Variants in AKAP12 observed in about 807,000 individuals in gnomAD.
The protein encoded by AKAP12 is A-kinase anchor protein 12.
A neutral mutation model predicts 79.9 loss-of-function variants in AKAP12; 32 were observed. The observed-to-expected ratio is 0.40, with a 90% CI of 0.30 to 0.54. AKAP12 has a LOEUF of 0.54. Among genes scored for constraint, AKAP12 ranks in the 20% least tolerant of loss-of-function variants. AKAP12 has a pLI of 0.48. For missense variants in AKAP12, 2,074 were observed against 2,177.0 expected, an observed-to-expected ratio of 0.95 and a Z score of 0.94; for synonymous variants, 808 against 857.0, an observed-to-expected ratio of 0.94 and a Z score of 1.00.
chr6:151,242,449 A>G (rs1213546190), intron 2 of AKAP12, among the ~76,000 whole-genome samples: 1 of 152,244 alleles, frequency 6.6e-6, no homozygotes, highest in Non-Finnish European at 1.5e-5. Flanking sequence ...GACATCCAGA[A>G]TATCATTGAA....
chr6:151,357,017 T>C lies in AKAP12; in HGVS notation c.*1303T>C, dbSNP rs1778458346. 6.6e-6 allele frequency: 1 copy of C among 152,210 alleles called. No individual in the cohort carries two copies. Among genetic ancestry groups the C allele is most frequent in the South Asian group, 2.1e-4 (1 of 4,836 alleles). 9.4% of individuals were successfully genotyped at this position (152,210 alleles called of 1,614,324 possible). On this transcript the variant is annotated 3_prime_UTR_variant, in exon 5 of 5. Transcript: ENST00000402676. The stretch of plus-strand genomic sequence containing the variant: ...ATCTGGTAATTCCTGAAAATGTCAA[T>C]TTTTTTGTGTTAATATTTTTGGTTT...
At chr6:151,343,706 C>T (rs1201853626) in intron 3 of AKAP12, among the ~76,000 whole-genome samples, 3 of 152,140 alleles carry the variant, frequency 2.0e-5, no homozygotes, top group South Asian at 2.1e-4. Flanking sequence ...ATCGCTTGAA[C>T]CCAGGAGGCG....
intron 2 of AKAP12, among the ~76,000 whole-genome samples, chr6:151,288,176 C>T (rs1418394191): frequency 3.3e-5 from 5 of 150,634 alleles, no homozygotes; most frequent in East Asian, 3.9e-4. Context: ...AACAAACCTG[C>T]GTGTTCTGGA....
chr6:151,342,110 A>G (rs1486869437), intron 3 of AKAP12, among the ~76,000 whole-genome samples: 2 of 152,258 alleles, frequency 1.3e-5, no homozygotes, highest in Non-Finnish European at 2.9e-5. Context: ...GCGGCAGGGC[A>G]GGTCGAGGAT....
At position 151,333,888 on chromosome 6, in the gene AKAP12, C is replaced by T. The variant is rs141498295; in HGVS notation, c.320-14823C>T. 3.0e-3 allele frequency among the ~76,000 whole-genome samples: 459 copies of T among 151,758 alleles called. 1 individual carries two copies. The highest frequency in any genetic ancestry group is 4.4e-3 in the African/African-American group (183 of 41,392). On this transcript the variant is annotated intron_variant, in intron 3 of 4. Coordinates refer to ENST00000402676, the MANE Select transcript of AKAP12 (RefSeq NM_005100.4). ...TCATGTACAGTTGGGCTGGGGAAAG[C>T]GAAAAAAGTGAAGAAGAGGAGGTGA...
chr6:151,339,562 A>C (rs1777896866), intron 3 of AKAP12, among the ~76,000 whole-genome samples: 2 of 152,178 alleles, frequency 1.3e-5, no homozygotes, highest in South Asian at 4.2e-4. Flanking sequence ...CATTTGTTAC[A>C]ATCAATGAAC....
At chr6:151,271,496 AT>A (rs1776180745) in intron 2 of AKAP12, among the ~76,000 whole-genome samples, 1 of 151,262 alleles carries the variant, frequency 6.6e-6, no homozygotes, top group Non-Finnish European at 1.5e-5. Context: ...TAATTTTTGT[AT>A]TTTTTGTAGA....
intron 2 of AKAP12, among the ~76,000 whole-genome samples, chr6:151,245,531 G>A (rs897058038): frequency 2.6e-5 from 4 of 151,488 alleles, no homozygotes; most frequent in African/African-American, 9.7e-5. Flanking sequence ...TCCTGACCTC[G>A]TGATCCACCC....
chr6:151,335,863 C>T (rs1010691153), intron 3 of AKAP12, among the ~76,000 whole-genome samples: 2 of 152,118 alleles, frequency 1.3e-5, no homozygotes, highest in Non-Finnish European at 2.9e-5. Flanking sequence ...CTAGTGTACC[C>T]GTCACCGGAG....
At chr6:151,241,113 C>G (rs184950560) in intron 2 of AKAP12, among the ~76,000 whole-genome samples, 532 of 152,348 alleles carry the variant, frequency 3.5e-3, no homozygotes, top group African/African-American at 0.012. Flanking sequence ...GGCCGGGCCT[C>G]CGGAGCTCCG....
intron 3 of AKAP12, among the ~76,000 whole-genome samples, chr6:151,312,609 G>T (rs1032324109): frequency 2.6e-5 from 4 of 152,042 alleles, no homozygotes; most frequent in Non-Finnish European, 4.4e-5. Flanking sequence ...GGCTAACACG[G>T]TGAAACTCCG....
intron 3 of AKAP12, among the ~76,000 whole-genome samples, chr6:151,311,589 G>A (rs1777103290): frequency 6.6e-6 from 1 of 152,192 alleles, no homozygotes; most frequent in Non-Finnish European, 1.5e-5. Flanking sequence ...TTGAGGGGAT[G>A]TATTTCTTAA....
At chr6:151,295,627 A>G (rs993742932) in intron 2 of AKAP12, among the ~76,000 whole-genome samples, 2 of 152,224 alleles carry the variant, frequency 1.3e-5, no homozygotes, top group Non-Finnish European at 2.9e-5. Flanking sequence ...GCATTTTTGC[A>G]CTAGGATTAA....
chr6:151,347,576 T>G (rs1778133440), intron 3 of AKAP12, among the ~76,000 whole-genome samples: 1 of 152,204 alleles, frequency 6.6e-6, no homozygotes. Context: ...ACTTTCCCTT[T>G]AACAAGCAAC....
At chr6:151,355,196 C>T (rs1778412048) in intron 4 of AKAP12, among the ~76,000 whole-genome samples, 1 of 151,600 alleles carries the variant, frequency 6.6e-6, no homozygotes, top group African/African-American at 2.4e-5. Flanking sequence ...GGAGTTTCCC[C>T]CAGGATGGTC....
chr6:151,355,288 CCTAT>C (rs1403001825), intron 4 of AKAP12, among the ~76,000 whole-genome samples: 1 of 151,684 alleles, frequency 6.6e-6, no homozygotes, highest in Non-Finnish European at 1.5e-5. Flanking sequence ...CGCACCCAGC[CCTAT>C]CTTTGTTTTT....
chr6:151,316,656 G>A (rs1022164255), intron 3 of AKAP12, among the ~76,000 whole-genome samples: 8 of 151,992 alleles, frequency 5.3e-5, no homozygotes, highest in Non-Finnish European at 8.8e-5. Context: ...TTTGAGACAC[G>A]GTATCGCTCT....
At chr6:151,309,499 C>T (rs2114761578) in intron 3 of AKAP12, among the ~76,000 whole-genome samples, 1 of 152,182 alleles carries the variant, frequency 6.6e-6, no homozygotes, top group Middle Eastern at 3.4e-3. Flanking sequence ...TTTTTTTTCC[C>T]ATTTTGATTC....
At chr6:151,320,588 A>G (rs970738666) in intron 3 of AKAP12, among the ~76,000 whole-genome samples, 1 of 151,698 alleles carries the variant, frequency 6.6e-6, no homozygotes, top group South Asian at 2.1e-4. Context: ...TTCTTATTTC[A>G]TGGACATCAT....
Sources: gnomAD v4.1 joint callset for allele counts (sites outside exome capture counted in the v4.1 genomes callset) on GRCh38, gnomAD v4.1.1 for gene constraint, MANE v1.5 for transcripts, NCBI Gene and HGNC (gene_info 2026-07-23, HGNC 2026-07-21) for gene names.